The following SORCS1 variants were observed in gnomAD, a reference collection of about 807,000 sequenced individuals.
SORCS1 encodes the protein sortilin related VPS10 domain containing receptor 1, also known as VPS10 domain-containing receptor SorCS1.
SORCS1 carries 60 observed loss-of-function variants against 146.1 expected under a neutral mutation model. The observed-to-expected ratio is 0.41, with a 90% confidence interval of 0.33 to 0.51. SORCS1 has a LOEUF of 0.51. Ranked by LOEUF, SORCS1 falls within the 20% of genes least tolerant of loss-of-function variation. The pLI is 0.21. For missense variants in SORCS1, 1,352 were observed against 1,487.6 expected (o/e 0.91, Z 1.50); for synonymous variants, 637 against 584.0 (o/e 1.09, Z -1.31).
At chr10:106,735,260 G>C (rs938101378) in intron 5 of SORCS1, among the ~76,000 whole-genome samples, 1 of 151,966 alleles carries the variant, frequency 6.6e-6, no homozygotes, top group South Asian at 2.1e-4. Context: ...ATGGCTCAGA[G>C]ATCAATTATA....
At chr10:106,697,230 C>T (rs144074889) in intron 9 of SORCS1, among the ~76,000 whole-genome samples, 7,008 of 152,066 alleles carry the variant, frequency 0.046, 246 homozygotes, top group South Asian at 0.082. Flanking sequence ...TTTGGGAGGC[C>T]GAGGCGGGCA....
At chr10:106,759,834 A>T (rs1858938990) in intron 5 of SORCS1, among the ~76,000 whole-genome samples, 1 of 152,168 alleles carries the variant, frequency 6.6e-6, no homozygotes, top group Admixed American at 6.5e-5. Context: ...AATTAGGCAT[A>T]AGATTTACCT....
At chr10:106,666,555 T>TC (rs1273377480) in intron 17 of SORCS1, among the ~76,000 whole-genome samples, 6 of 140,730 alleles carry the variant, frequency 4.3e-5, no homozygotes, top group African/African-American at 1.0e-4. Flanking sequence ...AATCTCTCTC[T>TC]TTTTTTTTTT....
chr10:106,857,534 C>G (rs1231330776), intron 2 of SORCS1, among the ~76,000 whole-genome samples: 1 of 152,206 alleles, frequency 6.6e-6, no homozygotes, highest in African/African-American at 2.4e-5. Context: ...TTCCATTGCT[C>G]CTAGTGCATT....
intron 23 of SORCS1, among the ~76,000 whole-genome samples, chr10:106,601,074 G>A (rs1388180786): frequency 6.6e-6 from 1 of 152,048 alleles, no homozygotes; most frequent in East Asian, 1.9e-4. Context: ...TGCATAATTG[G>A]GTAATGTTTG....
chr10:106,965,255 T>C (rs1039632013), intron 1 of SORCS1, among the ~76,000 whole-genome samples: 1 of 152,080 alleles, frequency 6.6e-6, no homozygotes, highest in East Asian at 1.9e-4. Flanking sequence ...GTGGTTTTTG[T>C]TGTATTTTTT....
chr10:106,807,287 A>G (rs553056571), intron 3 of SORCS1, among the ~76,000 whole-genome samples: 1 of 152,344 alleles, frequency 6.6e-6, no homozygotes, highest in South Asian at 2.1e-4. Context: ...GTTTGTGTGT[A>G]GACAGAGACC....
At chr10:106,603,490 C>T (rs1246065961) in intron 23 of SORCS1, among the ~76,000 whole-genome samples, 11 of 152,182 alleles carry the variant, frequency 7.2e-5, no homozygotes, top group South Asian at 2.1e-4. Context: ...AAGCCAGCAT[C>T]GCTGCTCCCC....
chr10:106,758,214 G>T (rs1347220226), intron 5 of SORCS1, among the ~76,000 whole-genome samples: 2 of 152,184 alleles, frequency 1.3e-5, no homozygotes, highest in Non-Finnish European at 2.9e-5. Flanking sequence ...AGAAAATATT[G>T]CAATTAGCAC....
At chr10:107,051,588 A>T (rs1960127295) in intron 1 of SORCS1, among the ~76,000 whole-genome samples, 1 of 152,116 alleles carries the variant, frequency 6.6e-6, no homozygotes, top group Non-Finnish European at 1.5e-5. Flanking sequence ...GGGTTCATGG[A>T]TCTTTTGAAG....
chr10:106,972,704 A>T (rs2139233816), intron 1 of SORCS1, among the ~76,000 whole-genome samples: 1 of 152,242 alleles, frequency 6.6e-6, no homozygotes, highest in East Asian at 1.9e-4. Context: ...CCAAGCTGAA[A>T]GGTTTGAGTT....
chr10:107,153,367 A>C (rs1001976014), intron 1 of SORCS1, among the ~76,000 whole-genome samples: 1 of 152,214 alleles, frequency 6.6e-6, no homozygotes, highest in Admixed American at 6.5e-5. Flanking sequence ...TTTATTATGT[A>C]TATATTTATA....
intron 1 of SORCS1, among the ~76,000 whole-genome samples, chr10:106,998,618 A>C (rs540959722): frequency 2.6e-5 from 4 of 152,324 alleles, no homozygotes; most frequent in Admixed American, 2.6e-4. Flanking sequence ...CGAAACCACT[A>C]TTATCTTTTT....
intron 1 of SORCS1, among the ~76,000 whole-genome samples, chr10:107,123,713 G>A (rs1966534292): frequency 6.6e-6 from 1 of 152,098 alleles, no homozygotes; most frequent in Non-Finnish European, 1.5e-5. Context: ...CTAAATCTAT[G>A]CTTTGTCATT....
intron 2 of SORCS1, among the ~76,000 whole-genome samples, chr10:106,933,819 C>T (rs906369640): frequency 1.9e-4 from 29 of 152,218 alleles, no homozygotes; most frequent in South Asian, 6.2e-4. Flanking sequence ...TTTGGCTGGG[C>T]GCAGTGGCTC....
At chr10:107,096,136 T>G (rs1295836486) in intron 1 of SORCS1, among the ~76,000 whole-genome samples, 1 of 152,210 alleles carries the variant, frequency 6.6e-6, no homozygotes, top group Non-Finnish European at 1.5e-5. Context: ...TGAATTGCAT[T>G]TTATCCAGTG....
chr10:106,922,126 T>C (rs1442825063), intron 2 of SORCS1, among the ~76,000 whole-genome samples: 1 of 152,228 alleles, frequency 6.6e-6, no homozygotes, highest in Non-Finnish European at 1.5e-5. Flanking sequence ...GAACAAAGCT[T>C]ACATTAGAGC....
intron 4 of SORCS1, among the ~76,000 whole-genome samples, chr10:106,766,776 A>G (rs1223111057): frequency 6.6e-6 from 1 of 152,248 alleles, no homozygotes; most frequent in Admixed American, 6.5e-5. Context: ...CAGACAACCT[A>G]CAGTAATGTG....
intron 5 of SORCS1, among the ~76,000 whole-genome samples, chr10:106,747,801 T>A (rs946488793): frequency 2.0e-5 from 3 of 152,160 alleles, no homozygotes; most frequent in African/African-American, 7.2e-5. Context: ...GGAGAGGATA[T>A]AGAATGATCC....
Sources: allele counts gnomAD v4.1 joint callset (sites outside exome capture counted in the v4.1 genomes callset), GRCh38; gene constraint gnomAD v4.1.1; transcripts MANE v1.5; gene names NCBI Gene and HGNC (gene_info 2026-07-23, HGNC 2026-07-21).